The following DLC1 variants were observed in gnomAD, a reference collection of about 807,000 sequenced individuals.
DLC1 encodes the protein rho GTPase-activating protein 7.
DLC1 carries 54 observed loss-of-function variants against 140.3 expected under a neutral mutation model. The observed-to-expected ratio is 0.38, with a 90% CI of 0.31 to 0.48. The LOEUF (loss-of-function observed/expected upper bound fraction) is 0.48. DLC1 is among the 20% of genes least tolerant of loss of function. The pLI, the probability that DLC1 is intolerant of heterozygous loss-of-function variation, is 0.96. For synonymous variants in DLC1, 986 were observed against 728.1 expected (o/e 1.35, Z -5.70); for missense variants, 2,536 against 1,907.0 (o/e 1.33, Z -6.14).
intron 5 of DLC1, among the ~76,000 whole-genome samples, chr8:13,264,528 T>C (rs762174124): frequency 3.9e-5 from 6 of 152,156 alleles, no homozygotes; most frequent in Admixed American, 2.0e-4. Flanking sequence ...GTAACGAGTA[T>C]AAAGCCAGTA....
intron 12 of DLC1, among the ~76,000 whole-genome samples, chr8:13,094,244 G>A (rs186683150): frequency 6.6e-6 from 1 of 152,210 alleles, no homozygotes; most frequent in Non-Finnish European, 1.5e-5. Flanking sequence ...TCAGTCATTA[G>A]AGACTGGGAA....
At position 13,185,260 on chromosome 8, in the gene DLC1, A is replaced by G. The variant is rs550174250; in HGVS notation, c.1349-69603T>C. ...CTGATGGGTCTTGACTCTTTATCCA[A>G]TTTGCCAGTCTGTGTCTTTTCTGTT... On this transcript the variant is annotated intron_variant, in intron 5 of 17. Coordinates refer to ENST00000276297, the MANE Select transcript of DLC1 (RefSeq NM_182643.3). Among the ~76,000 whole-genome samples, 289 of 140,350 alleles carry G rather than the reference A, an allele frequency of 2.1e-3. 1 individual carries two copies. The highest frequency in any genetic ancestry group is 7.5e-3 in the African/African-American group (283 of 37,792). 92.1% of individuals were successfully genotyped at this position (140,350 alleles called of 152,430 possible).
intron 2 of DLC1, among the ~76,000 whole-genome samples, chr8:13,484,851 A>G (rs1432963630): frequency 1.3e-5 from 2 of 151,798 alleles, no homozygotes; most frequent in East Asian, 3.9e-4. Flanking sequence ...CATGACAGGG[A>G]TGTGCGCTAT....
chr8:13,447,344 T>G (rs949635269), intron 2 of DLC1, among the ~76,000 whole-genome samples: 10 of 152,254 alleles, frequency 6.6e-5, no homozygotes, highest in Admixed American at 3.3e-4. Flanking sequence ...GGCATACGAT[T>G]TATGACACTA....
chr8:13,444,462 A>C (rs901960357), intron 2 of DLC1, among the ~76,000 whole-genome samples: 1 of 152,198 alleles, frequency 6.6e-6, no homozygotes, highest in African/African-American at 2.4e-5. Context: ...AAAAAAAAGA[A>C]TTCCTGGTTT....
intron 5 of DLC1, among the ~76,000 whole-genome samples, chr8:13,239,119 G>C (rs1829428694): frequency 6.6e-6 from 1 of 152,100 alleles, no homozygotes; most frequent in Admixed American, 6.6e-5. Context: ...TGCGTATCTG[G>C]GGTCATAGGT....
chr8:13,309,441 T>A (rs937697097), intron 4 of DLC1, among the ~76,000 whole-genome samples: 2 of 152,190 alleles, frequency 1.3e-5, no homozygotes, highest in African/African-American at 4.8e-5. Context: ...AAGATTTTCA[T>A]TGAAGTTGGC....
rs1418854859 is a variant in DLC1 at position 13,098,442 on chromosome 8, G to C, written c.3124C>G (p.Leu1042Val). Residue 1042 changes from leucine to valine, a missense_variant, in exon 10 of 18, where the codon CTG (leucine) becomes GTG (valine). Leu to Val is a conservative substitution (Grantham distance 32, BLOSUM62 1). Transcript: ENST00000276297. The part of the protein sequence containing the change: ...QKYSLLKLTA[L>V]LEKYTPSNKH... The stretch of plus-strand genomic sequence containing the variant: ...TTAGAAGGTGTGTATTTCTCCAGCA[G>C]GGCCGTTAGCTTTAGGAGTGAGTAT... 1 of 1,614,034 alleles carries C rather than the reference G, an allele frequency of 6.2e-7. No homozygotes were observed. The highest frequency in any genetic ancestry group is 1.7e-5 in the Admixed American group (1 of 60,002).
intron 5 of DLC1, among the ~76,000 whole-genome samples, chr8:13,253,106 C>T (rs1830080560): frequency 1.3e-5 from 2 of 152,148 alleles, no homozygotes; most frequent in South Asian, 4.1e-4. Context: ...TTTGGGTTAA[C>T]TCCTGGACTG....
chr8:13,104,655 C>G (rs1159051960), intron 7 of DLC1, among the ~76,000 whole-genome samples: 1 of 152,202 alleles, frequency 6.6e-6, no homozygotes. Flanking sequence ...CTCCTCAGGG[C>G]TTTATCTTCC....
intron 1 of DLC1, among the ~76,000 whole-genome samples, chr8:13,553,328 A>G (rs1466473723): frequency 1.4e-5 from 2 of 147,052 alleles, no homozygotes; most frequent in African/African-American, 2.5e-5. Flanking sequence ...TGCATGTACT[A>G]TATCCCTTTC....
chr8:13,183,243 C>A (rs28839278), intron 5 of DLC1, among the ~76,000 whole-genome samples: 16,652 of 152,144 alleles, frequency 0.11, 1,786 homozygotes, highest in East Asian at 0.31. Flanking sequence ...TCTAAATATA[C>A]AATCATGTCA....
At chr8:13,291,988 CT>C (rs5889429) in intron 5 of DLC1, among the ~76,000 whole-genome samples, 135,618 of 145,736 alleles carry the variant, frequency 0.93, 63,419 homozygotes, top group East Asian at 1. Flanking sequence ...GCAATGTTTT[CT>C]TTTTTTTTTT....
chr8:13,497,919 A>C lies in DLC1; in HGVS notation c.1023+1130T>G, dbSNP rs371846662. Among the ~76,000 whole-genome samples, 7 of 152,296 alleles carry C rather than the reference A, an allele frequency of 4.6e-5. No homozygotes were observed. The East Asian group carries it at 9.6e-4, about 21-fold the overall frequency. On this transcript the variant is annotated intron_variant, in intron 2 of 17. Coordinates refer to ENST00000276297, the MANE Select transcript of DLC1 (RefSeq NM_182643.3). ...CTGTAAAGTCTTTGACTTCATTTAA[A>C]CTAACTCACGACACATTACTGATCT...
At chr8:13,526,432 C>A (rs1005065333) in intron 1 of DLC1, among the ~76,000 whole-genome samples, 4 of 152,094 alleles carry the variant, frequency 2.6e-5, no homozygotes, top group African/African-American at 7.2e-5. Context: ...TCTTCTATTC[C>A]ATGAGCATAA....
chr8:13,323,742 A>G (rs1833223205), intron 4 of DLC1, among the ~76,000 whole-genome samples: 1 of 152,252 alleles, frequency 6.6e-6, no homozygotes, highest in Admixed American at 6.5e-5. Context: ...AGCAAAATGA[A>G]TACCTTATTG....
At chr8:13,092,925 A>G in intron 12 of DLC1, 100 bp from the exon 13 acceptor site, 1 of 1,297,498 alleles carries the variant, frequency 7.7e-7, no homozygotes, top group Non-Finnish European at 1.1e-6. Context: ...ACCTCAGCCC[A>G]GTACTGAACA....
intron 5 of DLC1, among the ~76,000 whole-genome samples, chr8:13,143,850 G>GAGAGAGAGAGAGAGAGAGACAT (rs1395072506): frequency 2.0e-5 from 3 of 147,754 alleles, no homozygotes; most frequent in African/African-American, 5.2e-5. Flanking sequence ...GAGAGAGAGA[G>GAGAGAGAGAGAGAGAGAGACAT]AGACATAGAC....
intron 5 of DLC1, among the ~76,000 whole-genome samples, chr8:13,206,484 T>C (rs1827669844): frequency 6.6e-6 from 1 of 152,128 alleles, no homozygotes; most frequent in African/African-American, 2.4e-5. Context: ...CCTTTCATTA[T>C]GAGCCACTAA....
Sources: allele counts gnomAD v4.1 joint callset (sites outside exome capture counted in the v4.1 genomes callset), GRCh38; gene constraint gnomAD v4.1.1; transcripts MANE v1.5; gene names NCBI Gene and HGNC (gene_info 2026-07-23, HGNC 2026-07-21).